SPART: variants seen among roughly 807,000 people sequenced by gnomAD.
SPART encodes spartin, also known as spastic paraplegia 20 (Troyer syndrome).
A neutral mutation model predicts 58.7 loss-of-function variants in SPART; 35 were observed. The observed-to-expected ratio is 0.60, with a 90% CI of 0.46 to 0.79. The LOEUF is 0.79. Ranked by LOEUF, SPART falls within the 30% of genes least tolerant of loss-of-function variation. The probability of loss-of-function intolerance (pLI) is 0.00; values close to 1 mark genes in which losing one functional copy is unlikely to be tolerated. For missense variants in SPART, 730 were observed against 786.1 expected (o/e 0.93, Z 0.85); for synonymous variants, 284 against 280.7 (o/e 1.01, Z -0.12).
intron 1 of SPART, among the ~76,000 whole-genome samples, chr13:36,341,564 T>A (rs571718931): frequency 6.6e-6 from 1 of 152,194 alleles, no homozygotes; most frequent in Non-Finnish European, 1.5e-5. Context: ...TCATTAGATG[T>A]GGCAATTCTT....
At chr13:36,321,463 T>C (rs1444549121) in intron 5 of SPART, among the ~76,000 whole-genome samples, 1 of 152,172 alleles carries the variant, frequency 6.6e-6, no homozygotes, top group African/African-American at 2.4e-5. Context: ...TTCCATTTAG[T>C]TTCTCAATTC....
At position 36,301,889 on chromosome 13, in the gene SPART, G is replaced by A. The variant is rs923365435; in HGVS notation, c.*2476C>T. 1 of 152,126 alleles carries A rather than the reference G, an allele frequency of 6.6e-6. No individual in the cohort carries two copies. The highest frequency in any genetic ancestry group is 1.5e-5 in the Non-Finnish European group (1 of 68,028). 9.4% of individuals were successfully genotyped at this position (152,126 alleles called of 1,614,324 possible). A position where few individuals can be genotyped will look rare whatever the true frequency, so the allele number is the denominator to read the frequency against. On this transcript the variant is annotated 3_prime_UTR_variant, in exon 9 of 9. Coordinates refer to ENST00000438666, the MANE Select transcript of SPART (RefSeq NM_015087.5). The stretch of plus-strand genomic sequence containing the variant: ...AACAAATGTCAACTGATAGGAAAAT[G>A]AACACTTAAATTGTGGTATACTCAC...
chr13:36,330,152 C>T (rs151232210), intron 3 of SPART, among the ~76,000 whole-genome samples: 2 of 152,234 alleles, frequency 1.3e-5, no homozygotes, highest in African/African-American at 2.4e-5. Context: ...AATACAGGTC[C>T]AGTTAACGTA....
At position 36,312,446 on chromosome 13, in the gene SPART, A is replaced by T. The variant is rs1881228100; in HGVS notation, c.1515T>A (p.Val505=). Residue 505 remains valine, a synonymous_variant, in exon 7 of 9, where the codon GTT becomes GTA. Transcript: ENST00000438666. ...VDGVCTVANC[V]GKELAPHVKK... ...TGACATGTGGAGCTAGTTCTTTTCC[A>T]ACGCAATTTGCTACAGTGCAAACTC... The T allele has an allele frequency of 1.2e-6, 2 of 1,614,180 alleles. No homozygotes were observed. Among genetic ancestry groups the T allele is most frequent in the Admixed American group, 3.3e-5 (2 of 60,026 alleles).
chr13:36,333,876 T>C (rs1460281870), intron 2 of SPART, among the ~76,000 whole-genome samples: 2 of 152,214 alleles, frequency 1.3e-5, no homozygotes, highest in Non-Finnish European at 2.9e-5. Context: ...ATCTACAGGA[T>C]TCACAATATT....
At chr13:36,330,406 C>T (rs889697810) in intron 3 of SPART, among the ~76,000 whole-genome samples, 27 of 147,190 alleles carry the variant, frequency 1.8e-4, no homozygotes, top group African/African-American at 6.7e-4. Context: ...CTCGGGTGAA[C>T]AGGGGCTGAT....
At chr13:36,353,609 C>G (rs552201567) in intron 1 of SPART, among the ~76,000 whole-genome samples, 3 of 152,228 alleles carry the variant, frequency 2.0e-5, no homozygotes, top group Non-Finnish European at 4.4e-5. Context: ...GGGCTTTGCT[C>G]TGGGTTGGGC....
At chr13:36,333,166 C>T (rs1262944173) in intron 2 of SPART, among the ~76,000 whole-genome samples, 1 of 151,972 alleles carries the variant, frequency 6.6e-6, no homozygotes, top group East Asian at 1.9e-4. Context: ...ATAAGTGAGT[C>T]ATCCACCATA....
chr13:36,311,439 G>A (rs1172054917), intron 8 of SPART, among the ~76,000 whole-genome samples: 1 of 152,174 alleles, frequency 6.6e-6, no homozygotes, highest in African/African-American at 2.4e-5. Context: ...CAAGTAAGAT[G>A]TGACATAATT....
At position 36,331,555 on chromosome 13, in the gene SPART, C is replaced by A. The variant is rs571222120; in HGVS notation, c.852G>T (p.Pro284=). 1.2e-6 allele frequency: 2 copies of A among 1,613,646 alleles called. No homozygotes were observed. The highest frequency in any genetic ancestry group is 1.7e-6 in the Non-Finnish European group (2 of 1,179,978). ...AGGCTCCCGCAGTACATTTCAGAAC[C>A]GGAGATCTATCAGGAACTAGAGGAT... ...WLYPLVPDRS[P]VLKCTAGAYM... is the part of the protein sequence containing the mutation. Residue 284 remains proline, a synonymous_variant, in exon 3 of 9, where the codon CCG becomes CCT. Coordinates refer to ENST00000438666, the MANE Select transcript of SPART (RefSeq NM_015087.5).
Position 36,302,469 on chromosome 13 carries a change from G to A in SPART, c.*1896C>T, listed in dbSNP as rs1880081576. Reference sequence around the variant, plus strand: ...GCCATAGCCAATATGTAAACAAATGGGTACAGCTATGCTCCAATAAAACGT... The same window carrying A: ...GCCATAGCCAATATGTAAACAAATGAGTACAGCTATGCTCCAATAAAACGT... On this transcript the variant is annotated 3_prime_UTR_variant, in exon 9 of 9. Transcript: ENST00000438666. 1 of 152,104 alleles carries A rather than the reference G, an allele frequency of 6.6e-6. No individual in the cohort carries two copies. Among genetic ancestry groups the A allele is most frequent in the Non-Finnish European group, 1.5e-5 (1 of 68,030 alleles). 9.4% of individuals were successfully genotyped at this position (152,104 alleles called of 1,614,324 possible).
intron 3 of SPART, 34 bp downstream of exon 3, chr13:36,331,364 AT>A: frequency 1.3e-6 from 2 of 1,592,210 alleles, no homozygotes; most frequent in Non-Finnish European, 1.7e-6. Flanking sequence ...GTTAAAGTAG[AT>A]TTTTTTCACC....
At chr13:36,325,778 C>T (rs977840931) in intron 5 of SPART, 3 of 152,066 alleles carry the variant, frequency 2.0e-5, no homozygotes, top group African/African-American at 7.2e-5. Flanking sequence ...TGGCTATAAC[C>T]CTCAGATGTT....
intron 4 of SPART, among the ~76,000 whole-genome samples, chr13:36,328,906 CAAAT>C (rs972133550): frequency 1.3e-4 from 20 of 152,094 alleles, no homozygotes; most frequent in Admixed American, 7.9e-4. Flanking sequence ...TAACACAAAA[CAAAT>C]AAGAAAGTAT....
upstream of SPART, among the ~76,000 whole-genome samples, chr13:36,350,390 G>T (rs11840374): frequency 3.2e-4 from 48 of 152,316 alleles, no homozygotes; most frequent in African/African-American, 1.1e-3. Flanking sequence ...GCCATTCCAT[G>T]TATTAATATA....
At position 36,320,614 on chromosome 13, in the gene SPART, C is replaced by T. The variant is rs568313997; in HGVS notation, c.1288+5961G>A. On this transcript the variant is annotated intron_variant, in intron 5 of 8. Transcript: ENST00000438666. ...ACTCCTCAGGGATTATTCAGGCCCC[C>T]TCCCTTCCCTACACATCAAGCTCGA... 1.3e-3 allele frequency among the ~76,000 whole-genome samples: 203 copies of T among 152,260 alleles called. 1 individual carries two copies. Among genetic ancestry groups the T allele is most frequent in the African/African-American group, 4.7e-3 (195 of 41,534 alleles).
chr13:36,334,987 T>G (rs1407708538), intron 2 of SPART, 34 bp downstream of exon 2: 11 of 1,555,188 alleles, frequency 7.1e-6, no homozygotes, highest in Non-Finnish European at 9.8e-6. Context: ...TCTACACGTA[T>G]TTCAAATTAT....
intron 8 of SPART, among the ~76,000 whole-genome samples, 168 bp downstream of exon 8, chr13:36,311,977 C>T (rs1881161488): frequency 6.6e-6 from 1 of 151,840 alleles, no homozygotes; most frequent in South Asian, 2.1e-4. Context: ...ATCCCAGCTA[C>T]TCGGGAGGCT....
Position 36,361,223 on chromosome 13 carries a change from TTAAAC to T in SPART, c.-3+8861_-3+8865del, listed in dbSNP as rs1170718804. Among the ~76,000 whole-genome samples the T allele has an allele frequency of 7.2e-5, 11 of 152,308 alleles. No individual in the cohort carries two copies. The East Asian group carries it at 1.5e-3, about 21-fold the overall frequency. Reference sequence around the variant, plus strand: ...CTCAAACTTTTGGGAACAAAATACATTAAACTAAGCAGAACCTCAAATAGTCAAAA... The same window carrying T: ...CTCAAACTTTTGGGAACAAAATACATTAAGCAGAACCTCAAATAGTCAAAA... On this transcript the variant is annotated intron_variant, in intron 1 of 8. Transcript: ENST00000355182.
Sources: allele counts gnomAD v4.1 joint callset (sites outside exome capture counted in the v4.1 genomes callset), GRCh38; gene constraint gnomAD v4.1.1; transcripts MANE v1.5; gene names NCBI Gene and HGNC (gene_info 2026-07-23, HGNC 2026-07-21).